The following CELF4 variants were observed in gnomAD, a reference collection of about 807,000 sequenced individuals.
CELF4 encodes CUGBP Elav-like family member 4, also known as CUG-BP- and ETR-3-like factor 4.
A neutral mutation model predicts 59.9 loss-of-function variants in CELF4; 18 were observed. The observed-to-expected ratio is 0.30, with a 90% CI of 0.21 to 0.45. The LOEUF (loss-of-function observed/expected upper bound fraction) is 0.45, where lower values mean the gene tolerates loss of function less well. Ranked by LOEUF, CELF4 falls within the 20% of genes least tolerant of loss-of-function variation. The pLI is 1.00. For missense variants in CELF4, 456 were observed against 689.0 expected (o/e 0.66, Z 3.79); for synonymous variants, 261 against 267.1 (o/e 0.98, Z 0.22).
intron 2 of CELF4, among the ~76,000 whole-genome samples, chr18:37,455,920 C>A (rs2099776940): frequency 6.6e-6 from 1 of 152,198 alleles, no homozygotes; most frequent in African/African-American, 2.4e-5. Flanking sequence ...GTCTGCACCC[C>A]CAGACGGGAA....
At chr18:37,539,512 GACAC>G (rs1397438311) in intron 1 of CELF4, among the ~76,000 whole-genome samples, 1 of 151,788 alleles carries the variant, frequency 6.6e-6, no homozygotes, top group Non-Finnish European at 1.5e-5. Flanking sequence ...TGCACACACA[GACAC>G]ACAGCCTAAA....
At chr18:37,507,058 T>A (rs1322690589) in intron 1 of CELF4, among the ~76,000 whole-genome samples, 1 of 152,158 alleles carries the variant, frequency 6.6e-6, no homozygotes, top group African/African-American at 2.4e-5. Context: ...CAGGAGGGTG[T>A]CTCAGGGTGT....
At chr18:37,362,477 G>A (rs1011923232) in intron 2 of CELF4, among the ~76,000 whole-genome samples, 4 of 152,238 alleles carry the variant, frequency 2.6e-5, no homozygotes, top group South Asian at 2.1e-4. Context: ...AGGACAAAGC[G>A]GGACGAGGAC....
chr18:37,549,992 T>C (rs1303747021), intron 1 of CELF4, among the ~76,000 whole-genome samples: 6 of 148,884 alleles, frequency 4.0e-5, no homozygotes, highest in Admixed American at 1.4e-4. Flanking sequence ...AGCCCCAGAT[T>C]TGTGATTTTA....
chr18:37,482,941 G>T (rs1220895872), intron 2 of CELF4, among the ~76,000 whole-genome samples: 2 of 152,142 alleles, frequency 1.3e-5, no homozygotes, highest in African/African-American at 4.8e-5. Context: ...AATTGCTGAG[G>T]TTACCAGTTT....
At chr18:37,519,856 T>C (rs1471814147) in intron 1 of CELF4, among the ~76,000 whole-genome samples, 1 of 152,200 alleles carries the variant, frequency 6.6e-6, no homozygotes, top group East Asian at 1.9e-4. Context: ...TCCTGTCCTC[T>C]GGGAGGCAGT....
At chr18:37,558,150 C>T (rs2099985371) in intron 1 of CELF4, among the ~76,000 whole-genome samples, 1 of 151,904 alleles carries the variant, frequency 6.6e-6, no homozygotes, top group South Asian at 2.1e-4. Flanking sequence ...TACAGGCTTG[C>T]ACCACCATGC....
chr18:37,295,552 A>T (rs1318658573), intron 3 of CELF4, among the ~76,000 whole-genome samples: 3 of 152,212 alleles, frequency 2.0e-5, no homozygotes, highest in Non-Finnish European at 1.5e-5. Flanking sequence ...GGCATCTGGG[A>T]AGAAGACAAC....
At chr18:37,416,833 G>T (rs958072527) in intron 2 of CELF4, among the ~76,000 whole-genome samples, 2 of 152,152 alleles carry the variant, frequency 1.3e-5, no homozygotes, top group Non-Finnish European at 2.9e-5. Flanking sequence ...ATGCACTTCT[G>T]CAATCAGGTA....
Position 37,451,514 on chromosome 18 carries a change from C to T in CELF4, c.369+34011G>A, listed in dbSNP as rs574687558. On this transcript the variant is annotated intron_variant, in intron 2 of 12. Coordinates refer to ENST00000420428, the MANE Select transcript of CELF4 (RefSeq NM_020180.4). ...GTGTGTCACTGCATGTTTGTGCACGCATGTGTGCACATGCACATGTGTGTA... is the reference window on the plus strand; with the variant it reads ...GTGTGTCACTGCATGTTTGTGCACGTATGTGTGCACATGCACATGTGTGTA... 7.2e-5 allele frequency among the ~76,000 whole-genome samples: 11 copies of T among 152,076 alleles called. No individual in the cohort carries two copies. The South Asian group carries it at 8.3e-4, about 12-fold the overall frequency.
intron 1 of CELF4, among the ~76,000 whole-genome samples, chr18:37,554,245 G>A (rs919344366): frequency 1.3e-5 from 2 of 152,180 alleles, no homozygotes; most frequent in Non-Finnish European, 2.9e-5. Flanking sequence ...GCTGGGTTGT[G>A]TGCACTGGGG....
chr18:37,259,088 G>C, intron 11 of CELF4, 93 bp downstream of exon 11: 1 of 1,594,196 alleles, frequency 6.3e-7, no homozygotes, highest in East Asian at 2.3e-5. Context: ...CCCTGTCCTA[G>C]GTGAAGCTAA....
intron 1 of CELF4, among the ~76,000 whole-genome samples, chr18:37,491,640 G>A (rs991276371): frequency 3.9e-5 from 6 of 152,160 alleles, no homozygotes; most frequent in Non-Finnish European, 7.4e-5. Context: ...GGCAGAGTGA[G>A]GAGGGAAGGG....
At chr18:37,427,482 G>C (rs1035142711) in intron 2 of CELF4, among the ~76,000 whole-genome samples, 1 of 152,132 alleles carries the variant, frequency 6.6e-6, no homozygotes, top group Non-Finnish European at 1.5e-5. Flanking sequence ...GGGGAACTGT[G>C]GGGGAAGCCA....
intron 3 of CELF4, among the ~76,000 whole-genome samples, chr18:37,282,188 A>G (rs1015044933): frequency 6.6e-6 from 1 of 152,140 alleles, no homozygotes; most frequent in African/African-American, 2.4e-5. Context: ...TGGGAACCCC[A>G]GCTGGCAGGA....
intron 1 of CELF4, among the ~76,000 whole-genome samples, chr18:37,533,342 G>A (rs1303213692): frequency 6.6e-6 from 1 of 152,154 alleles, no homozygotes; most frequent in African/African-American, 2.4e-5. Context: ...CCTCCACTAC[G>A]GCAGGTGAGA....
At chr18:37,407,043 G>A (rs2099394056) in intron 2 of CELF4, among the ~76,000 whole-genome samples, 1 of 152,098 alleles carries the variant, frequency 6.6e-6, no homozygotes, top group Admixed American at 6.5e-5. Context: ...ATGGTTTATT[G>A]AAAAAAGAAA....
intron 2 of CELF4, among the ~76,000 whole-genome samples, chr18:37,472,941 C>T (rs954698947): frequency 5.3e-5 from 8 of 152,134 alleles, no homozygotes; most frequent in African/African-American, 1.2e-4. Context: ...GATCTTAACT[C>T]GCCCCCCAGA....
chr18:37,556,526 G>A (rs144594005), intron 1 of CELF4, among the ~76,000 whole-genome samples: 23 of 152,232 alleles, frequency 1.5e-4, no homozygotes, highest in South Asian at 6.2e-4. Flanking sequence ...CATGCTTTTT[G>A]TGCTTGTGTG....
Sources: allele counts gnomAD v4.1 joint callset (sites outside exome capture counted in the v4.1 genomes callset), GRCh38; gene constraint gnomAD v4.1.1; transcripts MANE v1.5; gene names NCBI Gene and HGNC (gene_info 2026-07-23, HGNC 2026-07-21).